The following ARHGEF28 variants were observed in gnomAD, a reference collection of about 807,000 sequenced individuals.
The protein encoded by ARHGEF28 is 190 kDa guanine nucleotide exchange factor.
A neutral mutation model predicts 206.6 loss-of-function variants in ARHGEF28; 152 were observed. The observed-to-expected ratio is 0.74, with a 90% CI of 0.64 to 0.84. ARHGEF28 has a LOEUF of 0.84. Ranked by LOEUF, ARHGEF28 falls within the 40% of genes least tolerant of loss-of-function variation. The probability of loss-of-function intolerance (pLI) is 0.00; values close to 1 mark genes in which losing one functional copy is unlikely to be tolerated. For missense variants in ARHGEF28, 2,028 were observed against 2,073.2 expected, an observed-to-expected ratio of 0.98 and a Z score of 0.42; for synonymous variants, 763 against 776.4, an observed-to-expected ratio of 0.98 and a Z score of 0.29.
intron 11 of ARHGEF28, 31 bp from the exon 12 acceptor site, chr5:73,846,234 GCTT>G: frequency 6.3e-7 from 1 of 1,596,726 alleles, no homozygotes; most frequent in Non-Finnish European, 8.6e-7. Flanking sequence ...GTCCTTCCTT[GCTT>G]CTTTACTTAC....
Position 73,805,143 on chromosome 5 carries a change from A to T in ARHGEF28, c.1024+9752A>T, listed in dbSNP as rs143929593. 1.8e-3 allele frequency among the ~76,000 whole-genome samples: 275 copies of T among 152,126 alleles called. 2 individuals are homozygous for T. Among genetic ancestry groups the T allele is most frequent in the African/African-American group, 4.9e-3 (202 of 41,496 alleles). ...AGTGTTCCAGTTTTGGTAGCTGGGAACTCTTTTAGTTGGCTCTTGTATCCT... is the reference window on the plus strand; with the variant it reads ...AGTGTTCCAGTTTTGGTAGCTGGGATCTCTTTTAGTTGGCTCTTGTATCCT... On this transcript the variant is annotated intron_variant, in intron 9 of 35. Coordinates refer to ENST00000513042, the MANE Select transcript of ARHGEF28 (RefSeq NM_001177693.2).
intron 13 of ARHGEF28, among the ~76,000 whole-genome samples, chr5:73,851,480 C>T (rs1161819535): frequency 6.6e-6 from 1 of 151,398 alleles, no homozygotes; most frequent in African/African-American, 2.4e-5. Flanking sequence ...AAAACAAAAT[C>T]CAGTTTTATA....
intron 2 of ARHGEF28, among the ~76,000 whole-genome samples, chr5:73,742,244 TA>T (rs566717377): frequency 2.0e-5 from 3 of 152,002 alleles, no homozygotes; most frequent in South Asian, 2.1e-4. Flanking sequence ...GTTTTTAGAT[TA>T]AAAAAAATCC....
At chr5:73,743,927 A>G (rs1561372956) in intron 2 of ARHGEF28, among the ~76,000 whole-genome samples, 2 of 152,170 alleles carry the variant, frequency 1.3e-5, no homozygotes, top group African/African-American at 4.8e-5. Flanking sequence ...GTTCACTAAC[A>G]TGGTGGGGAG....
At chr5:73,908,028 A>C (rs2112721764) in intron 33 of ARHGEF28, among the ~76,000 whole-genome samples, 1 of 152,338 alleles carries the variant, frequency 6.6e-6, no homozygotes, top group Admixed American at 6.5e-5. Context: ...AGCCAGATCA[A>C]CAGAGTCCTG....
intron 35 of ARHGEF28, among the ~76,000 whole-genome samples, chr5:73,932,835 G>A (rs766737805): frequency 9.6e-6 from 1 of 104,420 alleles, no homozygotes; most frequent in Non-Finnish European, 1.7e-5. Flanking sequence ...TTGAGACAGA[G>A]TTTCGCTCTG....
At chr5:73,737,993 C>T (rs1451515132) in intron 2 of ARHGEF28, among the ~76,000 whole-genome samples, 2 of 152,166 alleles carry the variant, frequency 1.3e-5, no homozygotes, top group Non-Finnish European at 2.9e-5. Flanking sequence ...AGAAGAGCTA[C>T]AGGACCTGAA....
intron 22 of ARHGEF28, among the ~76,000 whole-genome samples, chr5:73,879,274 A>G (rs986766547): frequency 6.6e-6 from 1 of 152,174 alleles, no homozygotes; most frequent in Non-Finnish European, 1.5e-5. Flanking sequence ...TTTCAGCTCC[A>G]TCAGCTCCTT....
At chr5:73,797,690 G>T (rs900013954) in intron 9 of ARHGEF28, among the ~76,000 whole-genome samples, 2 of 152,148 alleles carry the variant, frequency 1.3e-5, no homozygotes, top group Admixed American at 6.5e-5. Context: ...GGCCTCTTTT[G>T]TTATTTTATA....
intron 1 of ARHGEF28, among the ~76,000 whole-genome samples, chr5:73,633,877 TA>T (rs1743533437): frequency 6.6e-6 from 1 of 152,108 alleles, no homozygotes; most frequent in African/African-American, 2.4e-5. Context: ...ATGCCTGGCC[TA>T]AAAGTATTTC....
intron 1 of ARHGEF28, among the ~76,000 whole-genome samples, chr5:73,678,647 G>A (rs1746854168): frequency 6.6e-6 from 1 of 152,052 alleles, no homozygotes; most frequent in African/African-American, 2.4e-5. Flanking sequence ...ATAACTACAT[G>A]GGCTCCCGTG....
intron 35 of ARHGEF28, among the ~76,000 whole-genome samples, chr5:73,937,280 C>T (rs975492430): frequency 6.6e-6 from 1 of 152,162 alleles, no homozygotes; most frequent in African/African-American, 2.4e-5. Context: ...CCACGGTGGT[C>T]CTCATAATGT....
chr5:73,938,120 T>C (rs1299007084), intron 35 of ARHGEF28, among the ~76,000 whole-genome samples: 1 of 150,388 alleles, frequency 6.6e-6, no homozygotes, highest in East Asian at 2.0e-4. Context: ...TGTATTTTTA[T>C]TCTTATTTGA....
intron 5 of ARHGEF28, among the ~76,000 whole-genome samples, chr5:73,775,724 A>G (rs1334981109): frequency 6.6e-6 from 1 of 152,120 alleles, no homozygotes; most frequent in African/African-American, 2.4e-5. Context: ...TAACCCAAGA[A>G]CATTAATATT....
At chr5:73,766,064 A>C (rs1251069063) in intron 4 of ARHGEF28, among the ~76,000 whole-genome samples, 1 of 151,338 alleles carries the variant, frequency 6.6e-6, no homozygotes, top group Non-Finnish European at 1.5e-5. Context: ...AGGCAGGAGA[A>C]TGGCGTGAAC....
intron 10 of ARHGEF28, 120 bp downstream of exon 10, chr5:73,832,579 G>T: frequency 7.3e-7 from 1 of 1,367,744 alleles, no homozygotes; most frequent in Non-Finnish European, 9.9e-7. Context: ...CAGCAAAGAG[G>T]ATGCTGTTGT....
At chr5:73,803,054 C>T (rs947302425) in intron 9 of ARHGEF28, among the ~76,000 whole-genome samples, 4 of 152,092 alleles carry the variant, frequency 2.6e-5, no homozygotes, top group African/African-American at 9.7e-5. Context: ...TTTACTTTAC[C>T]TTTTAGAGTG....
In ARHGEF28 at chr5:73,829,402, A is replaced by T. The variant is rs148428394; in HGVS notation, c.1025-2936A>T. 5.6e-3 allele frequency among the ~76,000 whole-genome samples: 846 copies of T among 151,566 alleles called. 6 individuals are homozygous for T. Among genetic ancestry groups the T allele is most frequent in the Non-Finnish European group, 7.7e-3 (523 of 67,864 alleles). Reference sequence around the variant, plus strand: ...TAATTCCCTTCTTCTTTTTTTTGAGATGGAATCTCACTCTGTCGCCAAGGC... The same window carrying T: ...TAATTCCCTTCTTCTTTTTTTTGAGTTGGAATCTCACTCTGTCGCCAAGGC... On this transcript the variant is annotated intron_variant, in intron 9 of 35. Transcript: ENST00000513042.
chr5:73,790,681 GAAA>G (rs33944186), intron 7 of ARHGEF28, among the ~76,000 whole-genome samples: 4 of 142,016 alleles, frequency 2.8e-5, no homozygotes, highest in Non-Finnish European at 4.6e-5. Flanking sequence ...CCACTTTTAG[GAAA>G]AAAAAAAAAA....
Sources: gnomAD v4.1 joint callset for allele counts (sites outside exome capture counted in the v4.1 genomes callset) on GRCh38, gnomAD v4.1.1 for gene constraint, MANE v1.5 for transcripts, NCBI Gene and HGNC (gene_info 2026-07-23, HGNC 2026-07-21) for gene names.